AKAP6: variants seen among roughly 807,000 people sequenced by gnomAD.
The protein encoded by AKAP6 is A-kinase anchor protein 6.
A neutral mutation model predicts 188.5 loss-of-function variants in AKAP6; 58 were observed. The observed-to-expected ratio is 0.31, with a 90% CI of 0.25 to 0.38. The LOEUF (loss-of-function observed/expected upper bound fraction) is 0.38. Ranked by LOEUF, AKAP6 falls within the 10% of genes least tolerant of loss-of-function variation. The probability of loss-of-function intolerance (pLI) is 1.00; values close to 1 mark genes in which losing one functional copy is unlikely to be tolerated. For missense variants in AKAP6, 2,710 were observed against 2,740.0 expected, an observed-to-expected ratio of 0.99 and a Z score of 0.24; for synonymous variants, 989 against 998.6, an observed-to-expected ratio of 0.99 and a Z score of 0.18.
At chr14:32,682,708 T>C (rs4981997) in intron 8 of AKAP6, among the ~76,000 whole-genome samples, 34,865 of 151,968 alleles carry the variant, frequency 0.23, 4,924 homozygotes, top group East Asian at 0.58. Context: ...AGCTTTTAAG[T>C]AGAAAAAAGC....
chr14:32,718,554 T>TA (rs1445869155), intron 9 of AKAP6, among the ~76,000 whole-genome samples: 1 of 152,174 alleles, frequency 6.6e-6, no homozygotes, highest in Non-Finnish European at 1.5e-5. Flanking sequence ...AAGGTGCCCT[T>TA]AAAATATTCA....
intron 2 of AKAP6, among the ~76,000 whole-genome samples, chr14:32,486,456 T>C (rs1427513506): frequency 2.0e-5 from 3 of 152,216 alleles, no homozygotes. Context: ...GAGCATGGAA[T>C]GTTTTTCCAT....
intron 7 of AKAP6, among the ~76,000 whole-genome samples, chr14:32,669,709 C>G (rs1405755306): frequency 6.6e-6 from 1 of 152,148 alleles, no homozygotes; most frequent in African/African-American, 2.4e-5. Flanking sequence ...TTCTGCATGG[C>G]TGGGGAGGCC....
At chr14:32,768,825 A>C (rs999013131) in intron 11 of AKAP6, among the ~76,000 whole-genome samples, 7 of 152,118 alleles carry the variant, frequency 4.6e-5, no homozygotes, top group African/African-American at 1.7e-4. Flanking sequence ...GCATCACCCC[A>C]GTATTCCTGA....
In AKAP6 at chr14:32,622,845, G is replaced by A. The variant is rs554754361; in HGVS notation, c.2730+22053G>A. Reference sequence around the variant, plus strand: ...GGTGGGCATGAGAACTAATGGTTCAGTCTAAAGTAAAGACTGAGTTTACAA... The same window carrying A: ...GGTGGGCATGAGAACTAATGGTTCAATCTAAAGTAAAGACTGAGTTTACAA... On this transcript the variant is annotated intron_variant, in intron 7 of 13. Coordinates refer to ENST00000280979, the MANE Select transcript of AKAP6 (RefSeq NM_004274.5). Among the ~76,000 whole-genome samples the A allele has an allele frequency of 5.3e-5, 8 of 152,242 alleles. No homozygotes were observed. The South Asian group carries it at 1.5e-3, about 28-fold the overall frequency.
chr14:32,664,800 T>C (rs558162594), intron 7 of AKAP6, among the ~76,000 whole-genome samples: 1 of 152,228 alleles, frequency 6.6e-6, no homozygotes, highest in South Asian at 2.1e-4. Context: ...TCTACTCCTG[T>C]CTGAGATCCA....
chr14:32,723,015 G>A (rs1360475727), intron 9 of AKAP6, among the ~76,000 whole-genome samples: 3 of 152,160 alleles, frequency 2.0e-5, no homozygotes, highest in Non-Finnish European at 2.9e-5. Flanking sequence ...CCAGTGCAGT[G>A]TTTTTTCCTG....
At chr14:32,678,648 T>A (rs1335137522) in intron 8 of AKAP6, among the ~76,000 whole-genome samples, 189 bp downstream of exon 8, 2 of 152,226 alleles carry the variant, frequency 1.3e-5, no homozygotes, top group Admixed American at 6.5e-5. Flanking sequence ...GCCTCTGCCA[T>A]CTAACCCAGA....
chr14:32,622,978 G>A (rs1886875507), intron 7 of AKAP6, among the ~76,000 whole-genome samples: 1 of 152,114 alleles, frequency 6.6e-6, no homozygotes, highest in African/African-American at 2.4e-5. Flanking sequence ...ATAGGACCAT[G>A]GGTGCTACCA....
intron 2 of AKAP6, among the ~76,000 whole-genome samples, chr14:32,467,917 C>A (rs1345794213): frequency 1.3e-5 from 2 of 151,838 alleles, no homozygotes; most frequent in African/African-American, 4.8e-5. Flanking sequence ...TCTTTTTTCA[C>A]CTTTCATCCC....
chr14:32,827,387 G>T (rs2140162057), intron 13 of AKAP6, among the ~76,000 whole-genome samples: 1 of 151,194 alleles, frequency 6.6e-6, no homozygotes, highest in Middle Eastern at 3.4e-3. Context: ...TTCAGATGAT[G>T]AAATGATTAT....
At position 32,467,394 on chromosome 14, in the gene AKAP6, A is replaced by T. The variant is rs540884154; in HGVS notation, c.324+33577A>T. ...CCTGTTATTGCTGGGTGTTGGGTAC[A>T]TGGGAGTTCATTATCCTCTTCTTTC... On this transcript the variant is annotated intron_variant, in intron 2 of 13. Coordinates refer to ENST00000280979, the MANE Select transcript of AKAP6 (RefSeq NM_004274.5). 1.3e-3 allele frequency among the ~76,000 whole-genome samples: 193 copies of T among 152,250 alleles called. 1 individual carries two copies. The highest frequency in any genetic ancestry group is 4.4e-3 in the African/African-American group (182 of 41,550).
chr14:32,656,872 G>A (rs1365796845), intron 7 of AKAP6, among the ~76,000 whole-genome samples: 1 of 152,162 alleles, frequency 6.6e-6, no homozygotes, highest in East Asian at 1.9e-4. Flanking sequence ...AGCCCTGGCT[G>A]TAAATATGCT....
chr14:32,810,647 T>C (rs2034200633), intron 12 of AKAP6, among the ~76,000 whole-genome samples: 1 of 152,224 alleles, frequency 6.6e-6, no homozygotes, highest in Non-Finnish European at 1.5e-5. Flanking sequence ...GCAACCTTTC[T>C]AGCATCAGTG....
At chr14:32,469,633 T>C (rs1878656566) in intron 2 of AKAP6, among the ~76,000 whole-genome samples, 1 of 152,100 alleles carries the variant, frequency 6.6e-6, no homozygotes, top group Non-Finnish European at 1.5e-5. Flanking sequence ...CAAGCTTTTA[T>C]AGCTTTCCCA....
At chr14:32,825,377 A>G (rs898376351) in intron 13 of AKAP6, among the ~76,000 whole-genome samples, 3 of 152,220 alleles carry the variant, frequency 2.0e-5, no homozygotes, top group Admixed American at 6.5e-5. Context: ...TAAGGATTCA[A>G]ACAGGAGGGG....
At chr14:32,519,664 C>T (rs959473540) in intron 2 of AKAP6, among the ~76,000 whole-genome samples, 2 of 152,142 alleles carry the variant, frequency 1.3e-5, no homozygotes, top group African/African-American at 4.8e-5. Flanking sequence ...AATATATATG[C>T]ACCCAATACA....
chr14:32,654,612 C>T (rs986431502), intron 7 of AKAP6, among the ~76,000 whole-genome samples: 1 of 151,044 alleles, frequency 6.6e-6, no homozygotes, highest in African/African-American at 2.4e-5. Flanking sequence ...TTTCAGAGGC[C>T]GAGGCAGGGG....
At chr14:32,422,322 C>T (rs888309168) in intron 1 of AKAP6, among the ~76,000 whole-genome samples, 11 of 152,044 alleles carry the variant, frequency 7.2e-5, no homozygotes, top group Admixed American at 7.2e-4. Flanking sequence ...CACAGACTCT[C>T]TCAGATTTGA....
Sources: allele counts gnomAD v4.1 joint callset (sites outside exome capture counted in the v4.1 genomes callset), GRCh38; gene constraint gnomAD v4.1.1; transcripts MANE v1.5; gene names NCBI Gene and HGNC (gene_info 2026-07-23, HGNC 2026-07-21).